The following LPP variants were observed in gnomAD, a reference collection of about 807,000 sequenced individuals.
LPP encodes LIM domain containing preferred translocation partner in lipoma.
LPP carries 38 observed loss-of-function variants against 60.4 expected under a neutral mutation model. The ratio of observed to expected loss-of-function variants is 0.63; its 90% CI spans 0.49 to 0.83. The LOEUF (loss-of-function observed/expected upper bound fraction) is 0.83, where lower values mean the gene tolerates loss of function less well. LPP is among the 40% of genes least tolerant of loss of function. LPP has a pLI of 0.00. For missense variants in LPP, 902 were observed against 783.6 expected, an observed-to-expected ratio of 1.15 and a Z score of -1.80; for synonymous variants, 328 against 290.8, an observed-to-expected ratio of 1.13 and a Z score of -1.30.
At chr3:188,373,635 A>C in intron 3 of LPP, among the ~76,000 whole-genome samples, 1 of 151,776 alleles carries the variant, frequency 6.6e-6, no homozygotes, top group Non-Finnish European at 1.5e-5. Flanking sequence ...AGGTTGCAAA[A>C]ATTTTCTCCC....
At chr3:188,679,019 A>G (rs1420752228) in intron 7 of LPP, among the ~76,000 whole-genome samples, 8 of 152,204 alleles carry the variant, frequency 5.3e-5, no homozygotes, top group African/African-American at 1.9e-4. Flanking sequence ...GGCAACCCAT[A>G]ATAGAAATGT....
chr3:188,393,407 G>T (rs532349535), intron 3 of LPP, among the ~76,000 whole-genome samples: 3 of 151,978 alleles, frequency 2.0e-5, no homozygotes, highest in African/African-American at 7.3e-5. Context: ...TCTTATCCAC[G>T]CCAGTAATGA....
chr3:188,720,631 CA>C (rs1434247226), intron 8 of LPP, among the ~76,000 whole-genome samples: 10 of 149,346 alleles, frequency 6.7e-5, no homozygotes, highest in African/African-American at 2.2e-4. Context: ...AAAGGGAAAT[CA>C]CAGAAGCAGG....
chr3:188,329,860 G>T (rs544001961), intron 2 of LPP, among the ~76,000 whole-genome samples: 1 of 152,120 alleles, frequency 6.6e-6, no homozygotes, highest in Non-Finnish European at 1.5e-5. Context: ...GTGAGTTTTC[G>T]TTGAAGGACC....
At chr3:188,764,845 C>T (rs1449527001) in intron 9 of LPP, among the ~76,000 whole-genome samples, 1 of 152,178 alleles carries the variant, frequency 6.6e-6, no homozygotes, top group Non-Finnish European at 1.5e-5. Flanking sequence ...AACTCTCTGA[C>T]AGCAGAAGGT....
At chr3:188,548,365 T>A (rs1392118582) in intron 6 of LPP, among the ~76,000 whole-genome samples, 1 of 152,168 alleles carries the variant, frequency 6.6e-6, no homozygotes, top group Non-Finnish European at 1.5e-5. Context: ...GACACATAGC[T>A]TAGTCCACCT....
intron 7 of LPP, among the ~76,000 whole-genome samples, chr3:188,624,272 T>C (rs559464474): frequency 6.6e-6 from 1 of 152,188 alleles, no homozygotes; most frequent in Non-Finnish European, 1.5e-5. Context: ...GAAGAGCTGA[T>C]CAGAGAAAGG....
intron 8 of LPP, among the ~76,000 whole-genome samples, chr3:188,731,586 G>T (rs994900702): frequency 7.3e-6 from 1 of 136,394 alleles, no homozygotes; most frequent in African/African-American, 2.6e-5. Context: ...GCAGTGGTGC[G>T]ATCTCGGCTC....
intron 1 of LPP, among the ~76,000 whole-genome samples, chr3:188,222,209 T>C (rs1015449944): frequency 1.3e-5 from 2 of 152,202 alleles, no homozygotes; most frequent in Non-Finnish European, 2.9e-5. Flanking sequence ...TATAAATTTT[T>C]ATGAATTTTT....
Position 188,705,241 on chromosome 3 carries a change from C to T in LPP, c.1114-3026C>T, listed in dbSNP as rs373538206. Among the ~76,000 whole-genome samples, 14 of 152,286 alleles carry T rather than the reference C, an allele frequency of 9.2e-5. 1 individual carries two copies. Among genetic ancestry groups the T allele is most frequent in the East Asian group, 3.9e-4 (2 of 5,178 alleles). ...TTTCCGTACCTGGTCTTTATATAGA[C>T]CTGTAAATAAACTGTAGTTACTTTA... On this transcript the variant is annotated intron_variant, in intron 7 of 11. Transcript: ENST00000617246.
rs996552034 is a variant in LPP at position 188,882,292 on chromosome 3, C to G, written c.*7813C>G. The G allele has an allele frequency of 8.9e-6, 2 of 224,012 alleles. No individual in the cohort carries two copies. Among genetic ancestry groups the G allele is most frequent in the African/African-American group, 2.2e-5 (1 of 44,802 alleles). The allele number at this position is 224,012 out of a possible 1,614,324, so 13.9% of individuals were successfully genotyped here. A position where few individuals can be genotyped will look rare whatever the true frequency, so the allele number is the denominator to read the frequency against. On this transcript the variant is annotated 3_prime_UTR_variant, in exon 12 of 12. Transcript: ENST00000617246. ...TTAAGGCACAACAGGGAAACATGGGCTATACTCAGAGAAGACCCTCTGCAT... is the reference window on the plus strand; with the variant it reads ...TTAAGGCACAACAGGGAAACATGGGGTATACTCAGAGAAGACCCTCTGCAT...
At chr3:188,805,450 T>TCC (rs72592261) in intron 9 of LPP, among the ~76,000 whole-genome samples, 3,548 of 151,732 alleles carry the variant, frequency 0.023, 125 homozygotes, top group African/African-American at 0.081. Context: ...TGTTTCCCTC[T>TCC]CATTCATGAT....
chr3:188,696,259 A>C (rs1371822454), intron 7 of LPP, among the ~76,000 whole-genome samples: 1 of 145,002 alleles, frequency 6.9e-6, no homozygotes. Flanking sequence ...CTTAATCTGT[A>C]TCATCCATTG....
At chr3:188,273,405 G>C (rs1210725792) in intron 2 of LPP, among the ~76,000 whole-genome samples, 1 of 152,018 alleles carries the variant, frequency 6.6e-6, no homozygotes, top group Non-Finnish European at 1.5e-5. Flanking sequence ...ATGGTGCCAG[G>C]CTTTGTAGTA....
intron 7 of LPP, among the ~76,000 whole-genome samples, chr3:188,640,829 T>A (rs1458957452): frequency 6.6e-6 from 1 of 152,196 alleles, no homozygotes; most frequent in East Asian, 1.9e-4. Context: ...ACCATGGCAG[T>A]GATTATTGAT....
chr3:188,509,867 T>TTG (rs1814857468), intron 5 of LPP, among the ~76,000 whole-genome samples: 1 of 97,136 alleles, frequency 1.0e-5, no homozygotes, highest in African/African-American at 3.3e-5. Flanking sequence ...TAATTTTTTT[T>TTG]TTGTTGTTTT....
intron 6 of LPP, among the ~76,000 whole-genome samples, chr3:188,561,311 C>T (rs1830620888): frequency 6.6e-6 from 1 of 151,960 alleles, no homozygotes; most frequent in African/African-American, 2.4e-5. Context: ...TGAGAGTGGT[C>T]CCCTTGATAC....
chr3:188,659,727 A>G (rs1054125921), intron 7 of LPP, among the ~76,000 whole-genome samples: 9 of 151,730 alleles, frequency 5.9e-5, no homozygotes, highest in Non-Finnish European at 8.8e-5. Flanking sequence ...CTCTCATGGA[A>G]CCCATTGTGC....
intron 2 of LPP, among the ~76,000 whole-genome samples, chr3:188,272,477 C>T (rs374099632): frequency 1.5e-4 from 23 of 152,238 alleles, no homozygotes; most frequent in African/African-American, 5.3e-4. Context: ...TTCCACCTAA[C>T]GGTTCTAGTT....
Sources: gnomAD v4.1 joint callset for allele counts (sites outside exome capture counted in the v4.1 genomes callset) on GRCh38, gnomAD v4.1.1 for gene constraint, MANE v1.5 for transcripts, NCBI Gene and HGNC (gene_info 2026-07-23, HGNC 2026-07-21) for gene names.